The following DHRS7 variants were observed in gnomAD, a reference collection of about 807,000 sequenced individuals.
DHRS7 encodes dehydrogenase/reductase SDR family member 7.
A neutral mutation model predicts 38.9 loss-of-function variants in DHRS7; 34 were observed. That is an observed-to-expected ratio of 0.87 (90% CI 0.66 to 1.16). The LOEUF is 1.16. Among genes scored for constraint, DHRS7 ranks in the 50% most tolerant of loss-of-function variants. DHRS7 has a pLI of 0.00. For missense variants in DHRS7, 421 were observed against 407.0 expected (o/e 1.03, Z -0.30); for synonymous variants, 158 against 153.1 (o/e 1.03, Z -0.24).
At position 60,157,974 on chromosome 14, in the gene DHRS7, T is replaced by C. The variant is rs1447424977; in HGVS notation, c.134-1822A>G. ...AAGGCCAGGTACGGTGGCTCACATC[T>C]GTAATCCCAGCACTTTGGGAGGCCA... is the stretch of plus-strand genomic sequence containing the variant. On this transcript the variant is annotated intron_variant, in intron 1 of 6. Coordinates refer to ENST00000557185, the MANE Select transcript of DHRS7 (RefSeq NM_016029.4). Among the ~76,000 whole-genome samples, 10 of 152,186 alleles carry C rather than the reference T, an allele frequency of 6.6e-5. 1 individual carries two copies. The highest frequency in any genetic ancestry group is 1.2e-4 in the Non-Finnish European group (8 of 68,020).
chr14:60,151,923 G>A (rs1374679855), intron 4 of DHRS7, among the ~76,000 whole-genome samples: 1 of 152,196 alleles, frequency 6.6e-6, no homozygotes, highest in Non-Finnish European at 1.5e-5. Context: ...AAACAGATGG[G>A]TGGCCGCCCT....
chr14:60,155,592 G>A (rs1896641930), intron 2 of DHRS7, among the ~76,000 whole-genome samples: 1 of 152,018 alleles, frequency 6.6e-6, no homozygotes, highest in Non-Finnish European at 1.5e-5. Context: ...TATATAATAA[G>A]TCTTATCCCA....
chr14:60,149,919 T>C (rs1238608800), intron 5 of DHRS7, 146 bp downstream of exon 5: 1 of 827,886 alleles, frequency 1.2e-6, no homozygotes, highest in Non-Finnish European at 1.8e-6. Context: ...CCATAAACAA[T>C]TTTCATAATG....
intron 2 of DHRS7, among the ~76,000 whole-genome samples, chr14:60,155,000 T>C (rs1442856594): frequency 6.6e-6 from 1 of 152,132 alleles, no homozygotes; most frequent in Non-Finnish European, 1.5e-5. Flanking sequence ...TCTGGGTGGT[T>C]AGCTCGATCA....
At chr14:60,156,904 T>C (rs1016081119) in intron 1 of DHRS7, among the ~76,000 whole-genome samples, 9 of 152,224 alleles carry the variant, frequency 5.9e-5, no homozygotes, top group Admixed American at 3.3e-4. Flanking sequence ...GTTACAGTAC[T>C]AAAGCAATGA....
chr14:60,163,775 G>T (rs976563077), intron 1 of DHRS7, among the ~76,000 whole-genome samples: 12 of 152,082 alleles, frequency 7.9e-5, no homozygotes, highest in African/African-American at 2.9e-4. Context: ...TTTTTTGTAG[G>T]ATTAAATAAT....
chr14:60,152,120 C>T (rs148005349), intron 4 of DHRS7, among the ~76,000 whole-genome samples: 82 of 152,342 alleles, frequency 5.4e-4, no homozygotes, highest in Non-Finnish European at 9.1e-4. Context: ...ACCATGATGA[C>T]CATGTAGCTA....
rs1471380290 is a variant in DHRS7, at chr14:60,153,741, T to G, written c.393+218A>C. Among the ~76,000 whole-genome samples the G allele has an allele frequency of 2.0e-5, 3 of 152,052 alleles. No homozygotes were observed. Among genetic ancestry groups the G allele is most frequent in the African/African-American group, 7.3e-5 (3 of 41,338 alleles). On this transcript the variant is annotated intron_variant, in intron 3 of 6. Coordinates refer to ENST00000557185, the MANE Select transcript of DHRS7 (RefSeq NM_016029.4). The surrounding 1 kb of genome is among the most constrained non-coding windows in gnomAD (Gnocchi z 4.4). ...TAAAAGCAGCCGTGAATTTTTAGCT[T>G]CTTTTGTTCTACATGGAGGAATTTG...
chr14:60,153,167 C>A lies in DHRS7; in HGVS notation c.405G>T (p.Leu135=). 6.2e-7 allele frequency: 1 copy of A among 1,613,992 alleles called. No individual in the cohort carries two copies. Among genetic ancestry groups the A allele is most frequent in the Non-Finnish European group, 8.5e-7 (1 of 1,179,980 alleles). The change falls in exon 4 of 7, where the codon CTG becomes CTT. Residue 135 remains leucine (L), a synonymous_variant. Transcript: ENST00000557185. The surrounding 1 kb of genome is among the most constrained non-coding windows in gnomAD (Gnocchi z 4.4). The part of the protein sequence containing the change: ...VLQEFGRIDI[L]VNNGGMSQRS... Reference sequence around the variant, plus strand: ...GCTGGGACATTCCACCATTGTTGACCAGAATGTCGATCTAGTTAAATAAAA... The same window carrying A: ...GCTGGGACATTCCACCATTGTTGACAAGAATGTCGATCTAGTTAAATAAAA...
chr14:60,149,558 T>C lies in DHRS7; in HGVS notation c.767A>G (p.Asn256Ser). 1 of 1,606,276 alleles carries C rather than the reference T, an allele frequency of 6.2e-7. No homozygotes were observed. The highest frequency in any genetic ancestry group is 2.2e-5 in the East Asian group (1 of 44,792). ...LAGEVTKTIG[N>S]NGDQSHKMTT... ...CATCTTGTGGGACTGGTCTCCATTA[T>C]TGCCTATAGTCTAAGAAAAGTTAAA... is the stretch of plus-strand genomic sequence containing the variant. Residue 256 changes from asparagine to serine, a missense_variant, in exon 6 of 7, where the codon AAT becomes AGT. Coordinates refer to ENST00000557185, the MANE Select transcript of DHRS7 (RefSeq NM_016029.4).
intron 1 of DHRS7, among the ~76,000 whole-genome samples, chr14:60,159,993 C>T (rs746145475): frequency 1.1e-4 from 16 of 152,122 alleles, no homozygotes; most frequent in Non-Finnish European, 2.1e-4. Context: ...TTCATTGAAA[C>T]TGAATTGTCA....
At chr14:60,167,652 G>A (rs1386737539), upstream of DHRS7, among the ~76,000 whole-genome samples, 2 of 152,314 alleles carry the variant, frequency 1.3e-5, no homozygotes, top group East Asian at 1.9e-4. Context: ...CTCCAAGATC[G>A]GCAGTCCCTA....
intron 6 of DHRS7, chr14:60,149,136 C>T: frequency 1.9e-6 from 1 of 535,040 alleles, no homozygotes; most frequent in Non-Finnish European, 3.4e-6. Flanking sequence ...CCATGCCCAG[C>T]TACTTTTTGT....
intron 4 of DHRS7, among the ~76,000 whole-genome samples, chr14:60,150,922 T>C (rs378635): frequency 6.6e-6 from 1 of 151,682 alleles, no homozygotes; most frequent in Non-Finnish European, 1.5e-5. Flanking sequence ...ACTATCCCTA[T>C]AGATTCTGAT....
In DHRS7 at chr14:60,145,045, A is replaced by T; in HGVS notation, c.973-32T>A. 6.8e-7 allele frequency: 1 copy of T among 1,462,982 alleles called. No individual in the cohort carries two copies. The highest frequency in any genetic ancestry group is 9.1e-7 in the Non-Finnish European group (1 of 1,095,418). 90.6% of individuals were successfully genotyped at this position (1,462,982 alleles called of 1,614,324 possible). A position where few individuals can be genotyped will look rare whatever the true frequency, so the allele number is the denominator to read the frequency against. The stretch of plus-strand genomic sequence containing the variant: ...AAGAGGGACAGAAACATGGATCAGT[A>T]CCTACTCCTATTTACTCCAGTTTTT... On this transcript the variant is annotated intron_variant, in intron 6 of 6. Coordinates refer to ENST00000557185, the MANE Select transcript of DHRS7 (RefSeq NM_016029.4). This position sits in a 1 kb window ranked among gnomAD's most constrained non-coding sequence, Gnocchi z 4.0.
rs999910839 is a variant in DHRS7 at position 60,165,189 on chromosome 14, C to G, written c.121G>C (p.Gly41Arg). Residue 41 changes from glycine (G) to arginine (R), a missense_variant, in exon 1 of 7, where the codon GGA becomes CGA. Gly to Arg is a moderately radical substitution (Grantham distance 125). Coordinates refer to ENST00000557185, the MANE Select transcript of DHRS7 (RefSeq NM_016029.4). This position sits in a 1 kb window ranked among gnomAD's most constrained non-coding sequence, Gnocchi z 4.6. ...DLTLLWAEWQGRRPEWELTDM... is the reference protein window; with the variant it reads ...DLTLLWAEWQRRRPEWELTDM... Reference sequence around the variant, plus strand: ...GGCCGGTCCTCACCTGGGCGTCGTCCCTGCCACTCGGCCCATAGTAGCGTC... The same window carrying G: ...GGCCGGTCCTCACCTGGGCGTCGTCGCTGCCACTCGGCCCATAGTAGCGTC... 15 of 1,612,824 alleles carry G rather than the reference C, an allele frequency of 9.3e-6. No homozygotes were observed. The highest frequency in any genetic ancestry group is 6.7e-5 in the Admixed American group (4 of 59,986).
rs756432378 is a variant in DHRS7, at chr14:60,156,045, C to A, written c.241G>T (p.Ala81Ser). Reference sequence around the variant, plus strand: ...CTTTCCAGCTCATGCACTCTTCTGGCTGACAGCACAAGAGAAACTCCTAGT... The same window carrying A: ...CTTTCCAGCTCATGCACTCTTCTGGATGACAGCACAAGAGAAACTCCTAGT... Reference protein sequence around the residue: ...SKLGVSLVLSARRVHELERVK... With the variant: ...SKLGVSLVLSSRRVHELERVK... The change falls in exon 2 of 7, where the codon GCC becomes TCC. Residue 81 changes from alanine (A) to serine (S), a missense_variant. Transcript: ENST00000557185. 1 of 1,601,542 alleles carries A rather than the reference C, an allele frequency of 6.2e-7. No individual in the cohort carries two copies. The highest frequency in any genetic ancestry group is 1.3e-5 in the African/African-American group (1 of 74,142).
At chr14:60,156,318 T>TAA (rs199902248) in intron 1 of DHRS7, among the ~76,000 whole-genome samples, 166 bp from the exon 2 acceptor site, 5 of 136,286 alleles carry the variant, frequency 3.7e-5, no homozygotes, top group South Asian at 2.3e-4. Flanking sequence ...CCTTCTTAAC[T>TAA]AAAAAAAAAA....
At chr14:60,163,328 T>C (rs138714721) in intron 1 of DHRS7, among the ~76,000 whole-genome samples, 297 of 152,320 alleles carry the variant, frequency 1.9e-3, no homozygotes, top group Middle Eastern at 0.014. Context: ...AAAACATTTT[T>C]ATGGTTTTTG....
Sources: allele counts gnomAD v4.1 joint callset (sites outside exome capture counted in the v4.1 genomes callset), GRCh38; gene constraint gnomAD v4.1.1; non-coding constraint Gnocchi (gnomAD v3.1); transcripts MANE v1.5; gene names NCBI Gene and HGNC (gene_info 2026-07-23, HGNC 2026-07-21).